MAMDC2: variants seen among roughly 807,000 people sequenced by gnomAD.
The protein encoded by MAMDC2 is MAM domain-containing protein 2.
In MAMDC2, 57 loss-of-function variants were observed where a neutral mutation model predicts 89.8. The ratio of observed to expected loss-of-function variants is 0.63; its 90% CI spans 0.51 to 0.79. The LOEUF (loss-of-function observed/expected upper bound fraction) is 0.79, where lower values mean the gene tolerates loss of function less well. MAMDC2 is among the 30% of genes least tolerant of loss of function. The pLI is 0.00. For synonymous variants in MAMDC2, 313 were observed against 293.4 expected (o/e 1.07, Z -0.68); for missense variants, 800 against 820.6 (o/e 0.97, Z 0.31).
intron 5 of MAMDC2, among the ~76,000 whole-genome samples, chr9:70,123,855 A>C (rs915471596): frequency 2.0e-5 from 3 of 152,122 alleles, no homozygotes; most frequent in African/African-American, 7.2e-5. Flanking sequence ...GCCCAGAACA[A>C]ATCCTTCCCT....
chr9:70,202,786 A>C (rs2033131274), intron 11 of MAMDC2, among the ~76,000 whole-genome samples: 1 of 151,516 alleles, frequency 6.6e-6, no homozygotes, highest in Non-Finnish European at 1.5e-5. Context: ...TTCTTGTTGA[A>C]TTGATCCCTT....
chr9:70,205,540 C>G (rs964558555), intron 11 of MAMDC2, among the ~76,000 whole-genome samples: 2 of 152,140 alleles, frequency 1.3e-5, no homozygotes. Flanking sequence ...GAAAAAGAGC[C>G]CTGAGACTGG....
At chr9:70,080,919 A>G (rs1385723970) in intron 2 of MAMDC2, among the ~76,000 whole-genome samples, 1 of 152,122 alleles carries the variant, frequency 6.6e-6, no homozygotes, top group African/African-American at 2.4e-5. Flanking sequence ...AGGTGCCCTG[A>G]CTCAGGCATC....
chr9:70,181,547 T>C (rs770215769), intron 11 of MAMDC2, among the ~76,000 whole-genome samples: 93 of 152,196 alleles, frequency 6.1e-4, no homozygotes, highest in Non-Finnish European at 1.1e-3. Context: ...TGGTTTGTAG[T>C]TCTTTTTGAA....
At chr9:70,210,515 G>A (rs2033331953) in intron 11 of MAMDC2, among the ~76,000 whole-genome samples, 2 of 152,192 alleles carry the variant, frequency 1.3e-5, no homozygotes, top group South Asian at 4.1e-4. Flanking sequence ...TTTATTTTGA[G>A]CCTATGTGTG....
chr9:70,163,600 T>C (rs2032060202), intron 9 of MAMDC2, among the ~76,000 whole-genome samples: 1 of 152,172 alleles, frequency 6.6e-6, no homozygotes, highest in Admixed American at 6.6e-5. Flanking sequence ...AGTCCATTTT[T>C]AGAACAGTCT....
At chr9:70,220,575 T>G (rs1409732822) in intron 12 of MAMDC2, among the ~76,000 whole-genome samples, 1 of 152,256 alleles carries the variant, frequency 6.6e-6, no homozygotes, top group Non-Finnish European at 1.5e-5. Context: ...GCCAGGCACT[T>G]ACAGTGCTAA....
chr9:70,097,312 AAAGG>A (rs1205414287), intron 2 of MAMDC2, among the ~76,000 whole-genome samples: 1 of 152,200 alleles, frequency 6.6e-6, no homozygotes, highest in Non-Finnish European at 1.5e-5. Context: ...ATGAATTTGA[AAAGG>A]AAGAGATTTT....
intron 11 of MAMDC2, among the ~76,000 whole-genome samples, chr9:70,173,646 C>T (rs2032417505): frequency 6.6e-6 from 1 of 152,106 alleles, no homozygotes; most frequent in Non-Finnish European, 1.5e-5. Flanking sequence ...ATAAGAGGTA[C>T]AACCAAAGAG....
chr9:70,059,296 G>A (rs1225659822), intron 2 of MAMDC2, among the ~76,000 whole-genome samples: 2 of 152,092 alleles, frequency 1.3e-5, no homozygotes, highest in Non-Finnish European at 2.9e-5. Flanking sequence ...ACGAGCATGC[G>A]TCTCTCATTT....
intron 7 of MAMDC2, among the ~76,000 whole-genome samples, chr9:70,132,772 C>T (rs2030860242): frequency 6.6e-6 from 1 of 152,090 alleles, no homozygotes; most frequent in Non-Finnish European, 1.5e-5. Context: ...GATCCTCCCA[C>T]TTTGTCCTCC....
At chr9:70,127,145 A>G (rs1206997286) in intron 6 of MAMDC2, among the ~76,000 whole-genome samples, 1 of 152,200 alleles carries the variant, frequency 6.6e-6, no homozygotes, top group African/African-American at 2.4e-5. Context: ...TGTATTTCAG[A>G]AGCTACAAGT....
intron 2 of MAMDC2, among the ~76,000 whole-genome samples, chr9:70,059,732 A>G (rs918636928): frequency 6.6e-6 from 1 of 152,166 alleles, no homozygotes; most frequent in African/African-American, 2.4e-5. Flanking sequence ...TTCCAGAGAC[A>G]GTGTAATGGC....
chr9:70,225,640 G>T, intron 12 of MAMDC2, 110 bp from the exon 13 acceptor site: 2 of 602,704 alleles, frequency 3.3e-6, no homozygotes, highest in East Asian at 2.9e-5. Context: ...TCCTTAAAGG[G>T]ATCCTCAAGA....
At chr9:70,135,666 A>G (rs2030976858) in intron 7 of MAMDC2, among the ~76,000 whole-genome samples, 2 of 152,084 alleles carry the variant, frequency 1.3e-5, no homozygotes, top group Non-Finnish European at 2.9e-5. Context: ...TTTTAGGTTC[A>G]CAGCAAAATT....
At chr9:70,117,085 G>A (rs2030039853) in intron 5 of MAMDC2, among the ~76,000 whole-genome samples, 1 of 152,184 alleles carries the variant, frequency 6.6e-6, no homozygotes, top group Non-Finnish European at 1.5e-5. Flanking sequence ...CCATCCAGGG[G>A]ATTATATAGT....
intron 7 of MAMDC2, among the ~76,000 whole-genome samples, chr9:70,136,618 C>T (rs1216161276): frequency 6.6e-6 from 1 of 152,138 alleles, no homozygotes; most frequent in Non-Finnish European, 1.5e-5. Context: ...TCTCCCCTCT[C>T]TAGCTGGGAC....
chr9:70,095,716 A>C (rs888763119), intron 2 of MAMDC2, among the ~76,000 whole-genome samples: 10 of 152,242 alleles, frequency 6.6e-5, no homozygotes, highest in Non-Finnish European at 1.3e-4. Context: ...GTATAAACGA[A>C]GCTGGAAGGC....
intron 2 of MAMDC2, among the ~76,000 whole-genome samples, chr9:70,060,340 C>T (rs1827120147): frequency 6.6e-6 from 1 of 152,182 alleles, no homozygotes; most frequent in African/African-American, 2.4e-5. Flanking sequence ...AGGCTGACAC[C>T]TTGTCAGGCT....
Sources: allele counts gnomAD v4.1 joint callset (sites outside exome capture counted in the v4.1 genomes callset), GRCh38; gene constraint gnomAD v4.1.1; transcripts MANE v1.5; gene names NCBI Gene and HGNC (gene_info 2026-07-23, HGNC 2026-07-21).